The following RNGTT variants were observed in gnomAD, a reference collection of about 807,000 sequenced individuals.
RNGTT encodes mRNA-capping enzyme.
A neutral mutation model predicts 79.3 loss-of-function variants in RNGTT; 33 were observed. That is an observed-to-expected ratio of 0.42 (90% CI 0.32 to 0.56). RNGTT has a LOEUF of 0.56. Among genes scored for constraint, RNGTT ranks in the 20% least tolerant of loss-of-function variants. The pLI, the probability that RNGTT is intolerant of heterozygous loss-of-function variation, is 0.17. For synonymous variants in RNGTT, 222 were observed against 235.9 expected, an observed-to-expected ratio of 0.94 and a Z score of 0.54; for missense variants, 497 against 739.1, an observed-to-expected ratio of 0.67 and a Z score of 3.80.
At chr6:88,772,954 G>A in intron 12 of RNGTT, among the ~76,000 whole-genome samples, 2 of 151,520 alleles carry the variant, frequency 1.3e-5, no homozygotes, top group Non-Finnish European at 2.9e-5. Flanking sequence ...ATTTGACCCA[G>A]CCATCCCATT....
chr6:88,647,691 G>A (rs1292927762), intron 14 of RNGTT, among the ~76,000 whole-genome samples: 4 of 89,196 alleles, frequency 4.5e-5, no homozygotes, highest in African/African-American at 1.4e-4. Context: ...TGACAGAACC[G>A]ACACCCTGTT....
intron 13 of RNGTT, among the ~76,000 whole-genome samples, chr6:88,705,628 G>T (rs567673892): frequency 6.6e-6 from 1 of 152,158 alleles, no homozygotes; most frequent in South Asian, 2.1e-4. Context: ...GAAACCAGAG[G>T]TATTCATGCA....
intron 8 of RNGTT, among the ~76,000 whole-genome samples, chr6:88,865,201 A>G (rs1782128873): frequency 6.6e-6 from 1 of 152,092 alleles, no homozygotes. Flanking sequence ...AGCTATTGTT[A>G]TTATGTCCAA....
chr6:88,703,391 C>T (rs1776009868), intron 13 of RNGTT, among the ~76,000 whole-genome samples: 1 of 152,166 alleles, frequency 6.6e-6, no homozygotes, highest in Non-Finnish European at 1.5e-5. Flanking sequence ...AAATCATGTC[C>T]TTTGTAGCAA....
rs916070991 is a variant in RNGTT at position 88,759,679 on chromosome 6, C to T, written c.1439+10095G>A. Among the ~76,000 whole-genome samples the T allele has an allele frequency of 2.0e-5, 3 of 152,192 alleles. No individual in the cohort carries two copies. In the South Asian group the frequency reaches 6.2e-4, roughly 32 times the overall value. ...CCTCACTGAGAACCCTGACTCCCAA[C>T]ATCAGTACCCATTTGCTCAATCCTA... On this transcript the variant is annotated intron_variant, in intron 13 of 15. Coordinates refer to ENST00000369485, the MANE Select transcript of RNGTT (RefSeq NM_003800.5).
At chr6:88,638,843 C>T (rs778631786) in intron 14 of RNGTT, among the ~76,000 whole-genome samples, 1 of 152,090 alleles carries the variant, frequency 6.6e-6, no homozygotes, top group Non-Finnish European at 1.5e-5. Flanking sequence ...TTATTTGCCA[C>T]ACAATAACTG....
At chr6:88,735,600 A>C (rs1432128615) in intron 13 of RNGTT, among the ~76,000 whole-genome samples, 1 of 151,678 alleles carries the variant, frequency 6.6e-6, no homozygotes, top group Admixed American at 6.6e-5. Context: ...AGAAAAAGAA[A>C]AAGCAGTCAA....
intron 11 of RNGTT, among the ~76,000 whole-genome samples, chr6:88,837,053 G>A (rs1056177898): frequency 2.0e-5 from 3 of 152,088 alleles, no homozygotes; most frequent in African/African-American, 7.2e-5. Context: ...ATTCCGTGGA[G>A]GAATTCCTCA....
intron 12 of RNGTT, among the ~76,000 whole-genome samples, chr6:88,777,079 C>T (rs1778913958): frequency 1.3e-5 from 2 of 152,146 alleles, no homozygotes; most frequent in South Asian, 4.1e-4. Context: ...ATTCAAGCTT[C>T]CCCAACATCA....
chr6:88,836,178 T>A (rs1161698458), intron 11 of RNGTT, among the ~76,000 whole-genome samples: 2 of 150,824 alleles, frequency 1.3e-5, no homozygotes, highest in African/African-American at 4.9e-5. Flanking sequence ...CTCTTTAGTA[T>A]GCATTATATG....
intron 11 of RNGTT, among the ~76,000 whole-genome samples, chr6:88,824,738 CGTTT>C (rs1308825527): frequency 2.0e-5 from 3 of 150,196 alleles, no homozygotes; most frequent in Admixed American, 2.0e-4. Context: ...ATTGAAAACA[CGTTT>C]GTTTTCTTTT....
intron 8 of RNGTT, among the ~76,000 whole-genome samples, chr6:88,873,712 C>G (rs1216034861): frequency 2.0e-5 from 3 of 152,020 alleles, no homozygotes; most frequent in Non-Finnish European, 4.4e-5. Flanking sequence ...ACAATGAATA[C>G]AAATGACTTT....
At chr6:88,930,205 TAC>T (rs201112312) in intron 2 of RNGTT, among the ~76,000 whole-genome samples, 2 of 142,934 alleles carry the variant, frequency 1.4e-5, no homozygotes, top group East Asian at 1.9e-4. Flanking sequence ...TAAACATATA[TAC>T]ATATATACAT....
chr6:88,846,076 A>C (rs1321951130), intron 10 of RNGTT, among the ~76,000 whole-genome samples: 2 of 152,196 alleles, frequency 1.3e-5, no homozygotes, highest in African/African-American at 4.8e-5. Flanking sequence ...TTCTACCTTT[A>C]TACATAAATT....
At chr6:88,655,284 A>G (rs1773934438) in intron 14 of RNGTT, among the ~76,000 whole-genome samples, 1 of 152,216 alleles carries the variant, frequency 6.6e-6, no homozygotes, top group South Asian at 2.1e-4. Flanking sequence ...TAACATATCA[A>G]ATAACAATCT....
At chr6:88,779,959 A>G (rs931333933) in intron 12 of RNGTT, among the ~76,000 whole-genome samples, 1 of 152,220 alleles carries the variant, frequency 6.6e-6, no homozygotes, top group Non-Finnish European at 1.5e-5. Context: ...ACACCACTGC[A>G]CGCCAGCCTG....
intron 6 of RNGTT, among the ~76,000 whole-genome samples, chr6:88,892,400 G>A (rs1783080274): frequency 1.3e-5 from 2 of 152,100 alleles, no homozygotes; most frequent in Non-Finnish European, 2.9e-5. Flanking sequence ...TACTATGAAT[G>A]AAGTATGGAC....
intron 14 of RNGTT, among the ~76,000 whole-genome samples, chr6:88,623,317 T>A (rs984238079): frequency 1.3e-5 from 2 of 152,142 alleles, no homozygotes; most frequent in Non-Finnish European, 2.9e-5. Context: ...TTCCAAGCTC[T>A]TCTTCTTATA....
intron 13 of RNGTT, among the ~76,000 whole-genome samples, chr6:88,736,841 C>CA (rs1189422392): frequency 1.3e-5 from 2 of 152,184 alleles, no homozygotes; most frequent in Non-Finnish European, 2.9e-5. Flanking sequence ...AGGTGGTGAA[C>CA]ATGCATTATC....
Sources: gnomAD v4.1 joint callset for allele counts (sites outside exome capture counted in the v4.1 genomes callset) on GRCh38, gnomAD v4.1.1 for gene constraint, MANE v1.5 for transcripts, NCBI Gene and HGNC (gene_info 2026-07-23, HGNC 2026-07-21) for gene names.